PIEZO2: variants seen among roughly 807,000 people sequenced by gnomAD.
PIEZO2 encodes piezo-type mechanosensitive ion channel component 2.
A neutral mutation model predicts 337.3 loss-of-function variants in PIEZO2; 172 were observed. That is an observed-to-expected ratio of 0.51 (90% CI 0.45 to 0.58). The LOEUF (loss-of-function observed/expected upper bound fraction) is 0.58, where lower values mean the gene tolerates loss of function less well. PIEZO2 is among the 20% of genes least tolerant of loss of function. The pLI is 0.00. For missense variants in PIEZO2, 3,028 were observed against 3,391.3 expected (o/e 0.89, Z 2.66); for synonymous variants, 1,251 against 1,228.5 (o/e 1.02, Z -0.38).
rs368809663 is a variant in PIEZO2, at chr18:10,803,293, A to G, written c.1200+582T>C. 5.3e-5 allele frequency among the ~76,000 whole-genome samples: 8 copies of G among 152,228 alleles called. No individual in the cohort carries two copies. In the East Asian group the frequency reaches 9.6e-4, roughly 18 times the overall value. The stretch of plus-strand genomic sequence containing the variant: ...CCATGAGTAAAAAGCACATTTGTCA[A>G]TATCACCTCATCTCATCAGAAAAGT... On this transcript the variant is annotated intron_variant, in intron 9 of 55. Coordinates refer to ENST00000674853, the MANE Select transcript of PIEZO2 (RefSeq NM_001378183.1).
chr18:11,073,494 C>G (rs897089337), intron 1 of PIEZO2, among the ~76,000 whole-genome samples: 1 of 152,172 alleles, frequency 6.6e-6, no homozygotes, highest in Admixed American at 6.5e-5. Flanking sequence ...AAAAGCCACC[C>G]GAGTCAGCTT....
chr18:11,041,718 A>C (rs1039119023), intron 2 of PIEZO2, among the ~76,000 whole-genome samples: 1 of 152,204 alleles, frequency 6.6e-6, no homozygotes, highest in East Asian at 1.9e-4. Context: ...GCTTAACGAC[A>C]ACTTATAAAA....
rs189055224 is a variant in PIEZO2, at chr18:10,970,551, T to C, written c.286+8984A>G. Among the ~76,000 whole-genome samples the C allele has an allele frequency of 3.3e-5, 5 of 152,322 alleles. No individual in the cohort carries two copies. In the East Asian group the frequency reaches 9.7e-4, roughly 29 times the overall value. The stretch of plus-strand genomic sequence containing the variant: ...GTAAAATATCAAGGACTAGCAGGAC[T>C]ATAATGCAGAATCAAGACATTATAA... On this transcript the variant is annotated intron_variant, in intron 3 of 55. Transcript: ENST00000674853.
chr18:11,006,451 C>T (rs754289534), intron 2 of PIEZO2, among the ~76,000 whole-genome samples: 1 of 152,184 alleles, frequency 6.6e-6, no homozygotes, highest in Non-Finnish European at 1.5e-5. Flanking sequence ...AAATCTTTAG[C>T]TTTCATGGGG....
At chr18:11,017,330 G>A (rs759897702) in intron 2 of PIEZO2, among the ~76,000 whole-genome samples, 13 of 152,066 alleles carry the variant, frequency 8.5e-5, no homozygotes, top group South Asian at 2.1e-4. Flanking sequence ...TCTTCAAGAC[G>A]TAACCTCTAA....
chr18:10,810,719 T>C (rs1568085751), intron 7 of PIEZO2, among the ~76,000 whole-genome samples: 1 of 152,204 alleles, frequency 6.6e-6, no homozygotes, highest in Admixed American at 6.5e-5. Flanking sequence ...CTATGACTTT[T>C]CTGGAGTCCC....
rs1390381136 is a variant in PIEZO2 at position 10,943,841 on chromosome 18, G to A, written c.287-32613C>T. ...ACCCGGTGGGAGATGACTGAATCAT[G>A]GGAGCAAGTCTTTCCAGTGCTGTTC... On this transcript the variant is annotated intron_variant, in intron 3 of 55. Transcript: ENST00000674853. The surrounding 1 kb of genome is among the most constrained non-coding windows in gnomAD (Gnocchi z 4.5). 2.6e-5 allele frequency among the ~76,000 whole-genome samples: 4 copies of A among 152,086 alleles called. No individual in the cohort carries two copies. The highest frequency in any genetic ancestry group is 2.9e-5 in the Non-Finnish European group (2 of 68,008).
chr18:10,751,443 G>A (rs2037640931), intron 28 of PIEZO2, among the ~76,000 whole-genome samples: 1 of 152,170 alleles, frequency 6.6e-6, no homozygotes, highest in African/African-American at 2.4e-5. Flanking sequence ...TACTCCAAAT[G>A]TAAATTGATG....
At chr18:11,014,990 C>T (rs1332772649) in intron 2 of PIEZO2, among the ~76,000 whole-genome samples, 3 of 145,202 alleles carry the variant, frequency 2.1e-5, no homozygotes, top group African/African-American at 2.7e-5. Flanking sequence ...TCCAGGGCCC[C>T]CTCATTCCTC....
At chr18:11,053,655 C>T (rs2037610449) in intron 2 of PIEZO2, among the ~76,000 whole-genome samples, 1 of 152,164 alleles carries the variant, frequency 6.6e-6, no homozygotes. Context: ...AAATAAAATA[C>T]ACTCTTCTAC....
intron 36 of PIEZO2, among the ~76,000 whole-genome samples, chr18:10,730,512 C>T (rs2036719992): frequency 6.6e-6 from 1 of 152,038 alleles, no homozygotes; most frequent in Non-Finnish European, 1.5e-5. Context: ...TAAAATATTG[C>T]TCCTGAGTGA....
At chr18:11,023,028 G>A (rs1432157896) in intron 2 of PIEZO2, among the ~76,000 whole-genome samples, 1 of 152,060 alleles carries the variant, frequency 6.6e-6, no homozygotes, top group Non-Finnish European at 1.5e-5. Context: ...CAGTGGGTTC[G>A]TGGTCTCGTT....
At chr18:10,697,306 G>A (rs1020716527) in intron 45 of PIEZO2, among the ~76,000 whole-genome samples, 3 of 152,168 alleles carry the variant, frequency 2.0e-5, no homozygotes, top group Non-Finnish European at 4.4e-5. Flanking sequence ...TCCCCAGCAG[G>A]TGGAGGGACC....
At chr18:10,742,443 T>C (rs1166451716) in intron 32 of PIEZO2, 51 bp downstream of exon 32, 2 of 1,523,666 alleles carry the variant, frequency 1.3e-6, no homozygotes, top group Admixed American at 2.0e-5. Flanking sequence ...CTCAATATCA[T>C]GCTATTATTC....
intron 2 of PIEZO2, among the ~76,000 whole-genome samples, chr18:11,051,234 C>T (rs7240828): frequency 0.27 from 41,009 of 151,856 alleles, 6,011 homozygotes; most frequent in Non-Finnish European, 0.33. Context: ...TGTCCAATCT[C>T]AGACTGCATT....
Position 10,894,604 on chromosome 18 carries a change from A to T in PIEZO2, c.329+16582T>A, listed in dbSNP as rs538773265. Reference sequence around the variant, plus strand: ...CCCAAGTGCGGGCAGGCAGCTGTGCATGTGGGCAGCCCACCCCAAAGGAAG... The same window carrying T: ...CCCAAGTGCGGGCAGGCAGCTGTGCTTGTGGGCAGCCCACCCCAAAGGAAG... On this transcript the variant is annotated intron_variant, in intron 4 of 55. Coordinates refer to ENST00000674853, the MANE Select transcript of PIEZO2 (RefSeq NM_001378183.1). This position sits in a 1 kb window ranked among gnomAD's most constrained non-coding sequence, Gnocchi z 4.1. The T allele has an allele frequency of 6.6e-6, 1 of 152,392 alleles. No individual in the cohort carries two copies. Among genetic ancestry groups the T allele is most frequent in the East Asian group, 1.9e-4 (1 of 5,182 alleles). The allele number at this position is 152,392 out of a possible 1,614,324, so 9.4% of individuals were successfully genotyped here.
At chr18:11,133,872 C>A (rs75788421) in intron 1 of PIEZO2, among the ~76,000 whole-genome samples, 11,599 of 150,966 alleles carry the variant, frequency 0.077, 466 homozygotes, top group African/African-American at 0.11. Context: ...TCCTCTCTCT[C>A]TATATATATA....
At chr18:10,918,225 T>C (rs1243303207) in intron 3 of PIEZO2, among the ~76,000 whole-genome samples, 1 of 152,176 alleles carries the variant, frequency 6.6e-6, no homozygotes, top group Non-Finnish European at 1.5e-5. Flanking sequence ...ATGAGGTTCA[T>C]CATTAATAGA....
rs533960954 is a variant in PIEZO2, at chr18:11,128,366, G to T, written c.64+20159C>A. Among the ~76,000 whole-genome samples, 1 of 152,126 alleles carries T rather than the reference G, an allele frequency of 6.6e-6. No individual in the cohort carries two copies. The highest frequency in any genetic ancestry group is 2.4e-5 in the African/African-American group (1 of 41,412). On this transcript the variant is annotated intron_variant, in intron 1 of 55. Coordinates refer to ENST00000674853, the MANE Select transcript of PIEZO2 (RefSeq NM_001378183.1). This position sits in a 1 kb window ranked among gnomAD's most constrained non-coding sequence, Gnocchi z 4.1. ...ATCATGAGAGTGGCTGACCTGCAAC[G>T]AAAGATACATGCACAGCCCCGCCAG... is the stretch of plus-strand genomic sequence containing the variant.
Sources: gnomAD v4.1 joint callset for allele counts (sites outside exome capture counted in the v4.1 genomes callset) on GRCh38, gnomAD v4.1.1 for gene constraint, Gnocchi (gnomAD v3.1) non-coding constraint, MANE v1.5 for transcripts, NCBI Gene and HGNC (gene_info 2026-07-23, HGNC 2026-07-21) for gene names.